The following MEGF6 variants were observed in gnomAD, a reference collection of about 807,000 sequenced individuals.
MEGF6 encodes multiple EGF like domains 6, also known as multiple epidermal growth factor-like domains protein 6.
A neutral mutation model predicts 207.1 loss-of-function variants in MEGF6; 184 were observed. The observed-to-expected ratio is 0.89, with a 90% CI of 0.79 to 1.00. The LOEUF is 1.00. MEGF6 is among the 50% of genes least tolerant of loss of function. The pLI is 0.00. For synonymous variants in MEGF6, 1,038 were observed against 910.0 expected, an observed-to-expected ratio of 1.14 and a Z score of -2.53; for missense variants, 2,282 against 2,202.9, an observed-to-expected ratio of 1.04 and a Z score of -0.72.
Position 3,512,055 on chromosome 1 carries a change from G to C in MEGF6, c.927C>G (p.Cys309Trp). Reference sequence around the variant, plus strand: ...CCAGCTCATAGCCCGCGTGACACACGCACTTGAAGGACCCCTGGGTGTTGA... The same window carrying C: ...CCAGCTCATAGCCCGCGTGACACACCCACTTGAAGGACCCCTGGGTGTTGA... ...GCLNTQGSFK[C>W]VCHAGYELGA... Residue 309 changes from cysteine to tryptophan, a missense_variant, in exon 8 of 37, where the codon TGC becomes TGG. Cys to Trp is a radical substitution (Grantham distance 215). Coordinates refer to ENST00000356575, the MANE Select transcript of MEGF6 (RefSeq NM_001409.4). 1 of 1,612,762 alleles carries C rather than the reference G, an allele frequency of 6.2e-7. No homozygotes were observed. Among genetic ancestry groups the C allele is most frequent in the Non-Finnish European group, 8.5e-7 (1 of 1,179,916 alleles).
chr1:3,494,259 C>T, intron 32 of MEGF6, 112 bp downstream of exon 32: 1 of 1,465,798 alleles, frequency 6.8e-7, no homozygotes, highest in South Asian at 1.4e-5. Context: ...CTCCCCACTG[C>T]TGCTGGCTCC....
chr1:3,623,648 C>T, the MEGF6 span: 1 of 152,284 alleles, frequency 6.6e-6, no homozygotes, highest in Admixed American at 6.5e-5. Flanking sequence ...GGCACACCAG[C>T]GTCGCCCGTT....
intron 11 of MEGF6, 151 bp from the exon 12 acceptor site, chr1:3,509,396 C>T (rs756577263): frequency 1.6e-6 from 1 of 626,878 alleles, no homozygotes; most frequent in South Asian, 3.1e-5. Context: ...AGCCTGGTCC[C>T]AGGGGTCATC....
rs142016601 is a variant in MEGF6 at position 3,565,369 on chromosome 1, C to G, written c.481+14456G>C. Among the ~76,000 whole-genome samples, 1 of 151,628 alleles carries G rather than the reference C, an allele frequency of 6.6e-6. No homozygotes were observed. The highest frequency in any genetic ancestry group is 1.5e-5 in the Non-Finnish European group (1 of 68,022). ...TTCCCTTCCTAGCTGGACCTTAAAACCCCCCGGGTCCTGGTGCCTGCTCTG... is the reference window on the plus strand; with the variant it reads ...TTCCCTTCCTAGCTGGACCTTAAAAGCCCCCGGGTCCTGGTGCCTGCTCTG... On this transcript the variant is annotated intron_variant, in intron 4 of 36. Transcript: ENST00000356575. This position sits in a 1 kb window ranked among gnomAD's most constrained non-coding sequence, Gnocchi z 4.8.
chr1:3,503,196 G>A (rs966539372), intron 17 of MEGF6, among the ~76,000 whole-genome samples: 11 of 152,210 alleles, frequency 7.2e-5, no homozygotes, highest in Non-Finnish European at 1.0e-4. Flanking sequence ...AGGGGCACCC[G>A]CCCATAGGGA....
rs553475413 is a variant in MEGF6 at position 3,553,309 on chromosome 1, C to A, written c.481+26516G>T. On this transcript the variant is annotated intron_variant, in intron 4 of 36. Transcript: ENST00000356575. ...TACTCCGGGTACCCTGTGAGCCTGG[C>A]GCCTCCAGCAGGACCCCCGCTGCCT... is the stretch of plus-strand genomic sequence containing the variant. 2.0e-5 allele frequency among the ~76,000 whole-genome samples: 3 copies of A among 151,994 alleles called. No individual in the cohort carries two copies. The East Asian group carries it at 5.8e-4, about 29-fold the overall frequency.
Position 3,505,202 on chromosome 1 carries a change from ACTCACCTTGGCCAC to A in MEGF6, c.2180_2188+5del. ...CTGCCGGGAGCCCCAGGGGCCGGCC[ACTCACCTTGGCCAC>A]AGTCCTCTCCCTGGAAGCCAGCAGG... On this transcript the variant is annotated splice_donor_variant and splice_donor_5th_base_variant and coding_sequence_variant and intron_variant, in exon 17 of 37. Transcript: ENST00000356575. LOFTEE classifies it high-confidence loss of function. 6.2e-7 allele frequency: 1 copy of A among 1,611,160 alleles called. No individual in the cohort carries two copies. The highest frequency in any genetic ancestry group is 8.5e-7 in the Non-Finnish European group (1 of 1,179,668).
At chr1:3,574,744 T>C (rs1455314156) in intron 4 of MEGF6, among the ~76,000 whole-genome samples, 1 of 152,174 alleles carries the variant, frequency 6.6e-6, no homozygotes, top group African/African-American at 2.4e-5. Context: ...CCAGGTTCAA[T>C]CAATCCTCCT....
intron 13 of MEGF6, among the ~76,000 whole-genome samples, chr1:3,508,259 GT>G (rs1641194108): frequency 6.6e-6 from 1 of 152,216 alleles, no homozygotes; most frequent in African/African-American, 2.4e-5. Flanking sequence ...CACTGTCTTA[GT>G]TATTTGCTGG....
chr1:3,542,521 C>G lies in MEGF6; in HGVS notation c.482-18275G>C, dbSNP rs577518672. On this transcript the variant is annotated intron_variant, in intron 4 of 36. Coordinates refer to ENST00000356575, the MANE Select transcript of MEGF6 (RefSeq NM_001409.4). ...GATCCTGGTCCCCGAGGACCATGGT[C>G]AAGAGGAGGCAGAGGAAGGCAGGTG... Among the ~76,000 whole-genome samples, 19 of 152,216 alleles carry G rather than the reference C, an allele frequency of 1.2e-4. No homozygotes were observed. The East Asian group carries it at 3.7e-3, about 29-fold the overall frequency.
At chr1:3,612,898 A>G (rs1412070552), upstream of MEGF6, among the ~76,000 whole-genome samples, 1 of 152,174 alleles carries the variant, frequency 6.6e-6, no homozygotes, top group Non-Finnish European at 1.5e-5. Flanking sequence ...CTGTCACCCC[A>G]GCTTTACAGA....
chr1:3,591,735 G>A (rs1643982231), intron 3 of MEGF6, among the ~76,000 whole-genome samples: 1 of 146,802 alleles, frequency 6.8e-6, no homozygotes, highest in African/African-American at 2.6e-5. Flanking sequence ...GGACCCGATG[G>A]GGGCGCCGGC....
At chr1:3,576,271 T>C (rs905021656) in intron 4 of MEGF6, among the ~76,000 whole-genome samples, 1 of 152,178 alleles carries the variant, frequency 6.6e-6, no homozygotes, top group Non-Finnish European at 1.5e-5. Context: ...AGGGAAACAC[T>C]GCTGCAAAGT....
chr1:3,529,111 C>A (rs1475101640), intron 4 of MEGF6, among the ~76,000 whole-genome samples: 1 of 152,190 alleles, frequency 6.6e-6, no homozygotes, highest in East Asian at 1.9e-4. Context: ...CAGAAGCTTG[C>A]TCCCTGGGTT....
At chr1:3,523,165 C>T (rs1410201761) in intron 5 of MEGF6, among the ~76,000 whole-genome samples, 2 of 152,122 alleles carry the variant, frequency 1.3e-5, no homozygotes, top group East Asian at 3.9e-4. Flanking sequence ...GGGCCCTGCT[C>T]CGGGCCTCCA....
At chr1:3,535,224 C>A (rs1386512192) in intron 4 of MEGF6, among the ~76,000 whole-genome samples, 2 of 152,172 alleles carry the variant, frequency 1.3e-5, no homozygotes, top group African/African-American at 4.8e-5. Flanking sequence ...GGGCAGCCAA[C>A]AGAGCAGGGC....
chr1:3,551,004 T>C (rs114802872), intron 4 of MEGF6, among the ~76,000 whole-genome samples: 3,199 of 152,314 alleles, frequency 0.021, 135 homozygotes, highest in African/African-American at 0.073. Context: ...CCTTGGGGCC[T>C]CGGAGTGTGA....
At chr1:3,595,624 C>T (rs7554061) in intron 2 of MEGF6, among the ~76,000 whole-genome samples, 177 bp from the exon 3 acceptor site, 40,004 of 152,122 alleles carry the variant, frequency 0.26, 7,178 homozygotes, top group African/African-American at 0.51. Flanking sequence ...TTCTTCTGAA[C>T]GAGGGGGCAG....
chr1:3,602,826 C>T (rs569102522), intron 1 of MEGF6, among the ~76,000 whole-genome samples: 1 of 152,186 alleles, frequency 6.6e-6, no homozygotes. Context: ...CAACATCCCC[C>T]ACGCATGGCC....
Sources: gnomAD v4.1 joint callset for allele counts (sites outside exome capture counted in the v4.1 genomes callset) on GRCh38, gnomAD v4.1.1 for gene constraint, Gnocchi (gnomAD v3.1) non-coding constraint, MANE v1.5 for transcripts, NCBI Gene and HGNC (gene_info 2026-07-23, HGNC 2026-07-21) for gene names.